The following ZNF862 variants were observed in gnomAD, a reference collection of about 807,000 sequenced individuals.
ZNF862 encodes zinc finger protein 862.
A neutral mutation model predicts 91.1 loss-of-function variants in ZNF862; 64 were observed. The ratio of observed to expected loss-of-function variants is 0.70; its 90% confidence interval spans 0.57 to 0.87. The LOEUF is 0.87. ZNF862 is among the 40% of genes least tolerant of loss of function. The pLI is 0.00. For missense variants in ZNF862, 1,459 were observed against 1,528.0 expected (o/e 0.95, Z 0.75); for synonymous variants, 631 against 618.1 (o/e 1.02, Z -0.31).
At position 149,861,266 on chromosome 7, in the gene ZNF862, G is replaced by A; in HGVS notation, c.2106G>A (p.Leu702=). Residue 702 remains leucine (L), a synonymous_variant, in exon 7 of 8, where the codon TTG becomes TTA. Transcript: ENST00000223210. This position sits in a 1 kb window ranked among gnomAD's most constrained non-coding sequence, Gnocchi z 6.7. ...TGGGGACGGATGGCTCAGCCATGTT[G>A]AGCTGCAGAGGAGGCCTTGTGGAAA... is the stretch of plus-strand genomic sequence containing the variant. ...VGLGTDGSAM[L]SCRGGLVEKF... 6.2e-7 allele frequency: 1 copy of A among 1,612,154 alleles called. No individual in the cohort carries two copies. The highest frequency in any genetic ancestry group is 1.1e-5 in the South Asian group (1 of 90,942).
chr7:149,850,335 T>C lies in ZNF862; in HGVS notation c.1114T>C (p.Leu372=). 3 of 1,610,644 alleles carry C rather than the reference T, an allele frequency of 1.9e-6. No homozygotes were observed. Among genetic ancestry groups the C allele is most frequent in the Non-Finnish European group, 8.5e-7 (1 of 1,178,048 alleles). Residue 372 remains leucine (L), a synonymous_variant, in exon 5 of 8, where the codon TTG becomes CTG. Coordinates refer to ENST00000223210, the MANE Select transcript of ZNF862 (RefSeq NM_001099220.3). The surrounding 1 kb of genome is among the most constrained non-coding windows in gnomAD (Gnocchi z 4.2). Reference sequence around the variant, plus strand: ...GATGAACTACGAGCTGTTGGCATCCTTGGGTAAAGACGCACCGAGCCTCTT... The same window carrying C: ...GATGAACTACGAGCTGTTGGCATCCCTGGGTAAAGACGCACCGAGCCTCTT... The part of the protein sequence containing the change: ...MRMNYELLAS[L]GPAAAKPDLI...
At position 149,844,584 on chromosome 7, in the gene ZNF862, A is replaced by C. The variant is rs1440775612; in HGVS notation, c.25-41A>C. On this transcript the variant is annotated intron_variant, in intron 1 of 7. Transcript: ENST00000223210. ...GGAACACTTTTGGAAGATAAATCTA[A>C]GGAAGAGAGTGGTACTTAGCAGCTG... 5.6e-6 allele frequency: 8 copies of C among 1,433,114 alleles called. No individual in the cohort carries two copies. In the African/African-American group the frequency reaches 1.1e-4, roughly 20 times the overall value. 88.8% of individuals were successfully genotyped at this position (1,433,114 alleles called of 1,614,324 possible).
Position 149,861,016 on chromosome 7 carries a change from G to A in ZNF862, c.1856G>A (p.Arg619Gln), listed in dbSNP as rs1158074799. Residue 619 changes from arginine to glutamine, a missense_variant, in exon 7 of 8, where the codon CGG becomes CAG. Physicochemically the swap from Arg to Gln is conservative, Grantham distance 43. Transcript: ENST00000223210. The surrounding 1 kb of genome is among the most constrained non-coding windows in gnomAD (Gnocchi z 6.7). ...AAGAGGGAGATCCTGGAGGACGTGC[G>A]GAACTCGCCCTGTGTGAGCGTGCTG... is the stretch of plus-strand genomic sequence containing the variant. The part of the protein sequence containing the change: ...TLKREILEDV[R>Q]NSPCVSVLLD... 9.9e-6 allele frequency: 16 copies of A among 1,612,912 alleles called. No homozygotes were observed. In the Admixed American group the frequency reaches 1.0e-4, roughly 10 times the overall value.
intron 1 of ZNF862, among the ~76,000 whole-genome samples, chr7:149,839,260 C>T (rs1275986859): frequency 1.3e-5 from 2 of 152,152 alleles, no homozygotes; most frequent in African/African-American, 2.4e-5. Flanking sequence ...GCTTCCAGGC[C>T]GTGTCATCCA....
chr7:149,842,070 C>T (rs981129929), intron 1 of ZNF862, among the ~76,000 whole-genome samples: 1 of 152,104 alleles, frequency 6.6e-6, no homozygotes, highest in Non-Finnish European at 1.5e-5. Flanking sequence ...TAAAGCCTTC[C>T]TTGCTCAGGA....
chr7:149,849,413 G>A (rs754866444), intron 4 of ZNF862, among the ~76,000 whole-genome samples: 5 of 152,158 alleles, frequency 3.3e-5, no homozygotes, highest in East Asian at 1.9e-4. Context: ...TGTAGTTACC[G>A]AATGCTTTGG....
At position 149,847,919 on chromosome 7, in the gene ZNF862, G is replaced by A. The variant is rs1306204927; in HGVS notation, c.426G>A (p.Ser142=). The change falls in exon 4 of 8, where the codon TCG becomes TCA. Residue 142 remains serine, a synonymous_variant. Transcript: ENST00000223210. ...TGAAGCCCCGGTCCATCCAGAAGTC[G>A]TGGTTTGTGCAGTTTCCGTGGCTGA... ...KLLKPRSIQK[S]WFVQFPWLIM... is the part of the protein sequence containing the mutation. 5 of 1,606,554 alleles carry A rather than the reference G, an allele frequency of 3.1e-6. No homozygotes were observed. The highest frequency in any genetic ancestry group is 3.4e-6 in the Non-Finnish European group (4 of 1,176,218).
At chr7:149,839,571 G>T (rs900029869) in intron 1 of ZNF862, among the ~76,000 whole-genome samples, 2 of 152,172 alleles carry the variant, frequency 1.3e-5, no homozygotes, top group Non-Finnish European at 2.9e-5. Context: ...ACTTGGACAC[G>T]CCTGAAAGGG....
intron 1 of ZNF862, among the ~76,000 whole-genome samples, chr7:149,840,308 A>G (rs1279150770): frequency 6.6e-6 from 1 of 151,732 alleles, no homozygotes; most frequent in East Asian, 1.9e-4. Flanking sequence ...AAAATACAAA[A>G]ATATTTAAAG....
Position 149,850,040 on chromosome 7 carries a change from A to G in ZNF862, c.940-121A>G. On this transcript the variant is annotated intron_variant, in intron 4 of 7. Transcript: ENST00000223210. This position sits in a 1 kb window ranked among gnomAD's most constrained non-coding sequence, Gnocchi z 4.2. ...TTCAGTGGATAAATTAATTCCTCTG[A>G]GTGCATCTGGGCCTCTTGGTGAGCT... The G allele has an allele frequency of 2.1e-6, 2 of 966,058 alleles. No individual in the cohort carries two copies. The highest frequency in any genetic ancestry group is 3.1e-6 in the Non-Finnish European group (2 of 639,122). The allele number at this position is 966,058 out of a possible 1,614,324, so 59.8% of individuals were successfully genotyped here.
Position 149,860,923 on chromosome 7 carries a change from T to C in ZNF862, c.1763T>C (p.Val588Ala), listed in dbSNP as rs1186307537. Reference protein sequence around the residue: ...ILQLLQSTGTVILGKYRNRTA... With the variant: ...ILQLLQSTGTAILGKYRNRTA... ...CAGCTCCTCCAAAGCACGGGGACCGTGATATTAGGCAAGTACCGCAATCGC... is the reference window on the plus strand; with the variant it reads ...CAGCTCCTCCAAAGCACGGGGACCGCGATATTAGGCAAGTACCGCAATCGC... The change falls in exon 7 of 8, where the codon GTG (valine) becomes GCG (alanine). Residue 588 changes from valine (V) to alanine (A), a missense_variant. Transcript: ENST00000223210. The C allele has an allele frequency of 6.2e-7, 1 of 1,613,810 alleles. No homozygotes were observed. Among genetic ancestry groups the C allele is most frequent in the East Asian group, 2.2e-5 (1 of 44,858 alleles).
intron 1 of ZNF862, among the ~76,000 whole-genome samples, chr7:149,840,544 C>CCACTCACT (rs535523728): frequency 3.3e-5 from 5 of 151,946 alleles, no homozygotes; most frequent in African/African-American, 1.2e-4. Context: ...CATTCTCTCA[C>CCACTCACT]CACTCACTCA....
rs767386012 is a variant in ZNF862 at position 149,847,826 on chromosome 7, C to T, written c.333C>T (p.Tyr111=). The T allele has an allele frequency of 1.2e-6, 2 of 1,613,828 alleles. No individual in the cohort carries two copies. Among genetic ancestry groups the T allele is most frequent in the East Asian group, 2.2e-5 (1 of 44,872 alleles). Reference sequence around the variant, plus strand: ...CCCTCCCGCCTCAGAAGAAAGCCTACCTTTCCCACCTCAGTACAGGCAGTG... The same window carrying T: ...CCCTCCCGCCTCAGAAGAAAGCCTATCTTTCCCACCTCAGTACAGGCAGTG... ...GQSLPPQKKA[Y]LSHLSTGSGH... The change falls in exon 4 of 8, where the codon TAC becomes TAT. Residue 111 remains tyrosine (Y), a synonymous_variant. Transcript: ENST00000223210.
Position 149,861,784 on chromosome 7 carries a change from C to CG in ZNF862, c.2624_2625insG (p.Tyr876LeufsTer46). The CG allele has an allele frequency of 6.2e-7, 1 of 1,613,634 alleles. No homozygotes were observed. Among genetic ancestry groups the CG allele is most frequent in the African/African-American group, 1.3e-5 (1 of 75,062 alleles). On this transcript the variant is annotated frameshift_variant, in exon 7 of 8. Transcript: ENST00000223210. LOFTEE classifies it high-confidence loss of function. This position sits in a 1 kb window ranked among gnomAD's most constrained non-coding sequence, Gnocchi z 6.7. ...GAGGTGAACGCCACGCTGGGCCGCG[C>CG]CTACGTGGCACTGGAGAGCCTCCGT...
chr7:149,852,395 C>A (rs1183832065), intron 5 of ZNF862, among the ~76,000 whole-genome samples: 1 of 149,946 alleles, frequency 6.7e-6, no homozygotes, highest in Non-Finnish European at 1.5e-5. Context: ...GAGAGACAGG[C>A]TGTCACTCTG....
rs1273763065 is a variant in ZNF862, at chr7:149,841,092, CT to C, written c.24+2459del. The C allele has an allele frequency of 9.1e-6, 9 of 985,302 alleles. No homozygotes were observed. In the African/African-American group the frequency reaches 1.4e-4, roughly 15 times the overall value. 61.0% of individuals were successfully genotyped at this position (985,302 alleles called of 1,614,324 possible). A position where few individuals can be genotyped will look rare whatever the true frequency, so the allele number is the denominator to read the frequency against. On this transcript the variant is annotated intron_variant, in intron 1 of 7. Transcript: ENST00000223210. ...TGTTTTCTAATATGGGAAATGAGAA[CT>C]TCATACAAGAATGAAATAAAGTAAT... is the stretch of plus-strand genomic sequence containing the variant.
Position 149,861,055 on chromosome 7 carries a change from C to A in ZNF862, c.1895C>A (p.Thr632Asn), listed in dbSNP as rs772810053. 6.2e-7 allele frequency: 1 copy of A among 1,612,518 alleles called. No individual in the cohort carries two copies. The highest frequency in any genetic ancestry group is 8.5e-7 in the Non-Finnish European group (1 of 1,179,660). Residue 632 changes from threonine (T) to asparagine (N), a missense_variant, in exon 7 of 8, where the codon ACC (threonine) becomes AAC (asparagine). By Grantham distance (65) the Thr-to-Asn change is moderately conservative. Transcript: ENST00000223210. The surrounding 1 kb of genome is among the most constrained non-coding windows in gnomAD (Gnocchi z 6.7). ...GTGAGCGTGCTGCTGGACAGCTCCA[C>A]CGACGCCTCCGAGCAGGCCTGCGTG... ...PCVSVLLDSS[T>N]DASEQACVGI...
intron 1 of ZNF862, among the ~76,000 whole-genome samples, chr7:149,842,257 T>G (rs759279218): frequency 6.6e-6 from 1 of 152,156 alleles, no homozygotes; most frequent in African/African-American, 2.4e-5. Flanking sequence ...TAAAATGATA[T>G]GAATCTGGCT....
chr7:149,844,519 G>A, intron 1 of ZNF862, 106 bp from the exon 2 acceptor site: 2 of 706,728 alleles, frequency 2.8e-6, no homozygotes, highest in Non-Finnish European at 4.9e-6. Flanking sequence ...CATGTAAATT[G>A]ACAACACCCC....
Sources: gnomAD v4.1 joint callset for allele counts (sites outside exome capture counted in the v4.1 genomes callset) on GRCh38, gnomAD v4.1.1 for gene constraint, Gnocchi (gnomAD v3.1) non-coding constraint, MANE v1.5 for transcripts, NCBI Gene and HGNC (gene_info 2026-07-23, HGNC 2026-07-21) for gene names.